Variants in NAALADL2 observed in about 807,000 individuals in gnomAD.
NAALADL2 encodes N-acetylated alpha-linked acidic dipeptidase like 2, also known as inactive N-acetylated-alpha-linked acidic dipeptidase-like protein 2.
A neutral mutation model predicts 87.2 loss-of-function variants in NAALADL2; 76 were observed. The observed-to-expected ratio is 0.87, with a 90% confidence interval of 0.72 to 1.05. NAALADL2 has a LOEUF of 1.05. Among genes scored for constraint, NAALADL2 ranks in the 50% least tolerant of loss-of-function variants. NAALADL2 has a pLI of 0.00. For synonymous variants in NAALADL2, 354 were observed against 331.0 expected (o/e 1.07, Z -0.75); for missense variants, 1,089 against 945.8 (o/e 1.15, Z -1.99).
At chr3:175,050,818 G>C (rs923852261) in intron 1 of NAALADL2, among the ~76,000 whole-genome samples, 2 of 152,126 alleles carry the variant, frequency 1.3e-5, no homozygotes, top group Admixed American at 1.3e-4. Context: ...TCAGTTATGA[G>C]TGCACATAAG....
intron 9 of NAALADL2, among the ~76,000 whole-genome samples, chr3:175,518,850 C>T (rs1275696422): frequency 3.9e-5 from 6 of 152,180 alleles, no homozygotes; most frequent in African/African-American, 1.4e-4. Flanking sequence ...AAAAAATCAA[C>T]TTACAAAAGG....
chr3:175,271,497 A>C (rs943324674), intron 4 of NAALADL2, among the ~76,000 whole-genome samples: 1 of 152,284 alleles, frequency 6.6e-6, no homozygotes, highest in Non-Finnish European at 1.5e-5. Flanking sequence ...TTAAAGCTAT[A>C]AAATAGGCAC....
intron 10 of NAALADL2, among the ~76,000 whole-genome samples, chr3:175,623,117 A>G (rs570109705): frequency 6.6e-6 from 1 of 152,108 alleles, no homozygotes; most frequent in Non-Finnish European, 1.5e-5. Context: ...GTCCCATAGA[A>G]AGGTTGTTTT....
intron 2 of NAALADL2, among the ~76,000 whole-genome samples, chr3:174,625,798 C>T (rs2108680196): frequency 6.6e-6 from 1 of 151,952 alleles, no homozygotes; most frequent in East Asian, 1.9e-4. Context: ...AGAAGTGATG[C>T]AGAACTATAT....
intron 9 of NAALADL2, among the ~76,000 whole-genome samples, chr3:175,573,196 G>C (rs1396970551): frequency 1.3e-5 from 2 of 152,106 alleles, no homozygotes; most frequent in African/African-American, 4.8e-5. Context: ...GCTGAGCATG[G>C]GTGGATGTTA....
At chr3:175,632,383 C>G (rs62284521) in intron 11 of NAALADL2, among the ~76,000 whole-genome samples, 1 of 151,138 alleles carries the variant, frequency 6.6e-6, no homozygotes, top group African/African-American at 2.4e-5. Context: ...CTGAGGTCTT[C>G]TAGCCATGCT....
At chr3:175,154,667 T>C (rs1012956489) in intron 2 of NAALADL2, among the ~76,000 whole-genome samples, 1 of 152,246 alleles carries the variant, frequency 6.6e-6, no homozygotes, top group South Asian at 2.1e-4. Context: ...GTTGAGAAGA[T>C]AGGAAAAAAG....
At chr3:175,467,574 A>G (rs921189333) in intron 8 of NAALADL2, among the ~76,000 whole-genome samples, 2 of 152,208 alleles carry the variant, frequency 1.3e-5, no homozygotes, top group African/African-American at 4.8e-5. Flanking sequence ...AGTCTCCTAT[A>G]TTAAATGTTT....
intron 1 of NAALADL2, among the ~76,000 whole-genome samples, chr3:174,925,957 G>C (rs1265316241): frequency 6.6e-6 from 1 of 152,052 alleles, no homozygotes; most frequent in South Asian, 2.1e-4. Context: ...TAAAAACCTT[G>C]AAAAAAGATT....
At chr3:175,598,165 T>C (rs1722489490) in intron 10 of NAALADL2, among the ~76,000 whole-genome samples, 1 of 151,976 alleles carries the variant, frequency 6.6e-6, no homozygotes. Context: ...TGTAAAACAG[T>C]CTTGTTTTGA....
At chr3:174,787,613 A>ATATATATATATATATATATATC in intron 3 of NAALADL2, among the ~76,000 whole-genome samples, 1 of 115,554 alleles carries the variant, frequency 8.7e-6, no homozygotes, top group Non-Finnish European at 1.9e-5. Context: ...ATATATATAT[A>ATATATATATATATATATATATC]TATATATAGT....
At chr3:175,277,023 T>C (rs1753701155) in intron 4 of NAALADL2, among the ~76,000 whole-genome samples, 1 of 152,126 alleles carries the variant, frequency 6.6e-6, no homozygotes, top group Non-Finnish European at 1.5e-5. Flanking sequence ...AAATAAAACT[T>C]ACAATATGCT....
At chr3:175,541,475 A>C (rs1327966833) in intron 9 of NAALADL2, among the ~76,000 whole-genome samples, 1 of 152,212 alleles carries the variant, frequency 6.6e-6, no homozygotes, top group Non-Finnish European at 1.5e-5. Flanking sequence ...AAAATGTTGA[A>C]TATCTCATGT....
chr3:174,604,291 G>T (rs1040940816), intron 2 of NAALADL2, among the ~76,000 whole-genome samples: 1 of 152,090 alleles, frequency 6.6e-6, no homozygotes, highest in African/African-American at 2.4e-5. Flanking sequence ...TCATCTTGCT[G>T]AATTGACCCC....
chr3:175,586,257 T>C (rs78438149), intron 10 of NAALADL2, among the ~76,000 whole-genome samples: 2 of 147,992 alleles, frequency 1.4e-5, no homozygotes, highest in Non-Finnish European at 3.0e-5. Flanking sequence ...AATGTTTCTG[T>C]ACAGACTACA....
chr3:175,737,771 A>G (rs1744715011), intron 12 of NAALADL2, among the ~76,000 whole-genome samples: 1 of 138,992 alleles, frequency 7.2e-6, no homozygotes, highest in Non-Finnish European at 1.5e-5. Flanking sequence ...ATCAGTTCAA[A>G]CAAGATTGGC....
chr3:175,539,382 A>T (rs1382613880), intron 9 of NAALADL2, among the ~76,000 whole-genome samples: 8 of 152,226 alleles, frequency 5.3e-5, no homozygotes, highest in African/African-American at 1.9e-4. Flanking sequence ...ACAGTTACGC[A>T]TTAATCTCCT....
intron 11 of NAALADL2, among the ~76,000 whole-genome samples, chr3:175,727,704 A>AGATT (rs1331343891): frequency 2.0e-5 from 3 of 152,218 alleles, no homozygotes; most frequent in African/African-American, 7.2e-5. Flanking sequence ...AAAAGGTTAG[A>AGATT]GATTCCATGA....
At chr3:175,484,165 C>T (rs1726913222) in intron 9 of NAALADL2, among the ~76,000 whole-genome samples, 1 of 151,984 alleles carries the variant, frequency 6.6e-6, no homozygotes, top group Non-Finnish European at 1.5e-5. Flanking sequence ...TTTCCTCTTA[C>T]TTTGAAAGTT....
Sources: allele counts gnomAD v4.1 joint callset (sites outside exome capture counted in the v4.1 genomes callset), GRCh38; gene constraint gnomAD v4.1.1; transcripts MANE v1.5; gene names NCBI Gene and HGNC (gene_info 2026-07-23, HGNC 2026-07-21).